The following FARP1 variants were observed in gnomAD, a reference collection of about 807,000 sequenced individuals.
The protein encoded by FARP1 is FERM, ARH/RhoGEF and pleckstrin domain protein 1.
A neutral mutation model predicts 128.8 loss-of-function variants in FARP1; 52 were observed. That is an observed-to-expected ratio of 0.40 (90% CI 0.32 to 0.51). The LOEUF (loss-of-function observed/expected upper bound fraction) is 0.51. Ranked by LOEUF, FARP1 falls within the 20% of genes least tolerant of loss-of-function variation. The pLI, the probability that FARP1 is intolerant of heterozygous loss-of-function variation, is 0.45. For synonymous variants in FARP1, 580 were observed against 551.8 expected, an observed-to-expected ratio of 1.05 and a Z score of -0.72; for missense variants, 1,333 against 1,367.9, an observed-to-expected ratio of 0.97 and a Z score of 0.40.
At chr13:98,271,691 T>C (rs577761252) in intron 2 of FARP1, among the ~76,000 whole-genome samples, 1 of 152,334 alleles carries the variant, frequency 6.6e-6, no homozygotes, top group South Asian at 2.1e-4. Context: ...GTTAGTTTGC[T>C]GAGAATGATG....
At chr13:98,178,349 C>G (rs750797873) in intron 1 of FARP1, among the ~76,000 whole-genome samples, 7 of 152,056 alleles carry the variant, frequency 4.6e-5, no homozygotes, top group Non-Finnish European at 1.0e-4. Context: ...GTGTGTGCCA[C>G]CACACCCAGC....
intron 2 of FARP1, among the ~76,000 whole-genome samples, chr13:98,278,172 A>AGTGTGTGTGTGTGTGTGTGTGT (rs58097403): frequency 3.3e-5 from 5 of 149,856 alleles, no homozygotes; most frequent in African/African-American, 1.2e-4. Flanking sequence ...TGAGTGAGTG[A>AGTGTGTGTGTGTGTGTGTGTGT]GTGTGTGTGT....
At chr13:98,431,468 T>C in intron 18 of FARP1, 188 bp downstream of exon 18, 3 of 522,024 alleles carry the variant, frequency 5.7e-6, no homozygotes. Context: ...TTGATTTTTT[T>C]TTTTTTTTTT....
At chr13:98,410,655 T>A (rs1891155427) in intron 14 of FARP1, 79 bp from the exon 15 acceptor site, 2 of 666,836 alleles carry the variant, frequency 3.0e-6, no homozygotes, top group Non-Finnish European at 5.5e-6. Context: ...TAGTAACATA[T>A]CACTTTAATG....
chr13:98,154,149 T>C (rs1206972275), intron 1 of FARP1, among the ~76,000 whole-genome samples: 1 of 152,238 alleles, frequency 6.6e-6, no homozygotes, highest in Non-Finnish European at 1.5e-5. Flanking sequence ...CATATGGATG[T>C]ACCACAGTGT....
chr13:98,271,177 T>C (rs1298053585), intron 2 of FARP1, among the ~76,000 whole-genome samples: 1 of 152,216 alleles, frequency 6.6e-6, no homozygotes, highest in East Asian at 1.9e-4. Flanking sequence ...CTGCTCTGGC[T>C]TAGACACTAC....
intron 16 of FARP1, among the ~76,000 whole-genome samples, chr13:98,423,803 A>G (rs1449095217): frequency 6.6e-6 from 1 of 152,202 alleles, no homozygotes; most frequent in African/African-American, 2.4e-5. Flanking sequence ...TGGTACATGG[A>G]CAGTACTTAG....
intron 16 of FARP1, among the ~76,000 whole-genome samples, chr13:98,413,022 G>A (rs1891248804): frequency 6.6e-6 from 1 of 152,234 alleles, no homozygotes; most frequent in African/African-American, 2.4e-5. Context: ...TGCCTCTGGT[G>A]ATCCCAGACT....
At chr13:98,248,474 A>G (rs1883174930) in intron 2 of FARP1, among the ~76,000 whole-genome samples, 1 of 152,214 alleles carries the variant, frequency 6.6e-6, no homozygotes, top group Admixed American at 6.5e-5. Context: ...AAAATGTCTC[A>G]TGTTTTAAGA....
At chr13:98,302,305 C>T (rs1278020255) in intron 2 of FARP1, among the ~76,000 whole-genome samples, 1 of 152,210 alleles carries the variant, frequency 6.6e-6, no homozygotes, top group Non-Finnish European at 1.5e-5. Flanking sequence ...TGTAATCTTA[C>T]CCATATCAAA....
At chr13:98,300,766 T>G (rs1459725157) in intron 2 of FARP1, among the ~76,000 whole-genome samples, 1 of 152,256 alleles carries the variant, frequency 6.6e-6, no homozygotes, top group Non-Finnish European at 1.5e-5. Flanking sequence ...TATGGGGCAC[T>G]TAATGTCCAG....
Position 98,453,985 on chromosome 13 carries a change from C to A in FARP1, c.*5668C>A, listed in dbSNP as rs1893328051. On this transcript the variant is annotated 3_prime_UTR_variant, in exon 27 of 27. Coordinates refer to ENST00000319562, the MANE Select transcript of FARP1 (RefSeq NM_005766.4). ...CCGAAATCTGACATGCCCCAGAGAG[C>A]AGTTCCTTTGAGCCCCATGCTGGCG... The A allele has an allele frequency of 6.6e-6, 1 of 152,120 alleles. No homozygotes were observed. Among genetic ancestry groups the A allele is most frequent in the Non-Finnish European group, 1.5e-5 (1 of 68,044 alleles). 9.4% of individuals were successfully genotyped at this position (152,120 alleles called of 1,614,324 possible). A position where few individuals can be genotyped will look rare whatever the true frequency, so the allele number is the denominator to read the frequency against.
chr13:98,162,685 CT>C (rs1340511990), intron 1 of FARP1, among the ~76,000 whole-genome samples: 1 of 152,158 alleles, frequency 6.6e-6, no homozygotes, highest in Admixed American at 6.5e-5. Context: ...CCTTTGACTT[CT>C]AGATTGTTTC....
At chr13:98,225,924 A>G (rs1014208385) in intron 2 of FARP1, among the ~76,000 whole-genome samples, 18 of 152,054 alleles carry the variant, frequency 1.2e-4, no homozygotes, top group African/African-American at 4.1e-4. Flanking sequence ...ACCCACATGC[A>G]CTCTTGGGGA....
At chr13:98,155,336 T>A (rs2139110181) in intron 1 of FARP1, among the ~76,000 whole-genome samples, 1 of 93,528 alleles carries the variant, frequency 1.1e-5, no homozygotes, top group East Asian at 3.6e-4. Context: ...CGAGCGAAAC[T>A]CTGTCTCAAA....
At chr13:98,161,215 A>ATT (rs1237544014) in intron 1 of FARP1, among the ~76,000 whole-genome samples, 8 of 136,916 alleles carry the variant, frequency 5.8e-5, no homozygotes, top group African/African-American at 8.0e-5. Context: ...TGCTTCAGTA[A>ATT]TTTTTTTTTT....
intron 2 of FARP1, among the ~76,000 whole-genome samples, chr13:98,283,627 AAG>A (rs777227259): frequency 3.3e-5 from 5 of 152,038 alleles, no homozygotes; most frequent in African/African-American, 4.8e-5. Flanking sequence ...TAATATTTTT[AAG>A]ATATTTGTTC....
chr13:98,417,102 G>T (rs1378837219), intron 16 of FARP1, among the ~76,000 whole-genome samples: 1 of 152,146 alleles, frequency 6.6e-6, no homozygotes, highest in African/African-American at 2.4e-5. Flanking sequence ...CAGCTCAGAG[G>T]ATGGTCATGA....
intron 2 of FARP1, among the ~76,000 whole-genome samples, chr13:98,278,796 C>T (rs1355135104): frequency 1.3e-5 from 2 of 149,516 alleles, no homozygotes; most frequent in African/African-American, 5.1e-5. Flanking sequence ...GACGAGGCTG[C>T]ATTGTTTTTC....
Sources: gnomAD v4.1 joint callset for allele counts (sites outside exome capture counted in the v4.1 genomes callset) on GRCh38, gnomAD v4.1.1 for gene constraint, MANE v1.5 for transcripts, NCBI Gene and HGNC (gene_info 2026-07-23, HGNC 2026-07-21) for gene names.